Variants in POGZ observed in about 807,000 individuals in gnomAD.
POGZ encodes pogo transposable element derived with ZNF domain, also known as pogo transposable element with ZNF domain.
In POGZ, 17 loss-of-function variants were observed where a neutral mutation model predicts 134.6. That is an observed-to-expected ratio of 0.13 (90% CI 0.09 to 0.19). The LOEUF (loss-of-function observed/expected upper bound fraction) is 0.19, where lower values mean the gene tolerates loss of function less well. Among genes scored for constraint, POGZ ranks in the 10% least tolerant of loss-of-function variants. The pLI is 1.00. For missense variants in POGZ, 1,306 were observed against 1,769.7 expected, an observed-to-expected ratio of 0.74 and a Z score of 4.70; for synonymous variants, 693 against 657.1, an observed-to-expected ratio of 1.05 and a Z score of -0.84.
In POGZ at chr1:151,419,163, G is replaced by A. The variant is rs76033347; in HGVS notation, c.1678+4234C>T. On this transcript the variant is annotated intron_variant, in intron 10 of 18. Transcript: ENST00000271715. ...AAGGCCAGGAGTTTGAGACCAGCCT[G>A]AACGACACGGCGAAACCCCATCTCT... 9.8e-3 allele frequency among the ~76,000 whole-genome samples: 1,492 copies of A among 152,040 alleles called. 29 individuals are homozygous for A. Among genetic ancestry groups the A allele is most frequent in the African/African-American group, 0.035 (1,435 of 41,446 alleles).
intron 1 of POGZ, among the ~76,000 whole-genome samples, chr1:151,450,023 ATTTTTTTT>A (rs1171783071): frequency 2.4e-4 from 18 of 74,330 alleles, no homozygotes; most frequent in South Asian, 6.5e-4. Flanking sequence ...GTGAAACTTG[ATTTTTTTT>A]TTTTTTTTTT....
Position 151,408,246 on chromosome 1 carries a change from G to A in POGZ, c.2235-6C>T, listed in dbSNP as rs1449021446. The A allele has an allele frequency of 3.1e-6, 5 of 1,603,022 alleles. No individual in the cohort carries two copies. The highest frequency in any genetic ancestry group is 4.2e-6 in the Non-Finnish European group (5 of 1,176,914). On this transcript the variant is annotated splice_polypyrimidine_tract_variant and splice_region_variant and intron_variant, in intron 14 of 18. Transcript: ENST00000271715. ...TCTGCCGGCCCATGACACTCCTGTG[G>A]GGGAAAAAAAAAAAGAATTCTCATT...
intron 10 of POGZ, among the ~76,000 whole-genome samples, chr1:151,415,840 A>G (rs887958657): frequency 1.3e-5 from 2 of 152,112 alleles, no homozygotes; most frequent in African/African-American, 4.8e-5. Flanking sequence ...GGCAAAGTTT[A>G]TATGTAATTT....
chr1:151,405,905 G>A lies in POGZ; in HGVS notation c.3130C>T (p.Pro1044Ser). The A allele has an allele frequency of 6.2e-7, 1 of 1,614,178 alleles. No homozygotes were observed. ...WVLTQREQQL[P>S]VNEETLFQKA... Reference sequence around the variant, plus strand: ...TGGAACAAGGTCTCCTCATTTACAGGTAGCTGTTGTTCGCGCTGGGTTAGC... The same window carrying A: ...TGGAACAAGGTCTCCTCATTTACAGATAGCTGTTGTTCGCGCTGGGTTAGC... The change falls in exon 19 of 19, where the codon CCT becomes TCT. Residue 1044 changes from proline to serine, a missense_variant. Coordinates refer to ENST00000271715, the MANE Select transcript of POGZ (RefSeq NM_015100.4). This position sits in a 1 kb window ranked among gnomAD's most constrained non-coding sequence, Gnocchi z 4.9.
rs576129369 is a variant in POGZ, at chr1:151,403,880, G to GA, written c.*921dup. The GA allele has an allele frequency of 1.8e-4, 176 of 985,484 alleles. 1 individual carries two copies. In the South Asian group the frequency reaches 7.7e-3, roughly 43 times the overall value. The allele number at this position is 985,484 out of a possible 1,614,324, so 61.0% of individuals were successfully genotyped here. A position where few individuals can be genotyped will look rare whatever the true frequency, so the allele number is the denominator to read the frequency against. ...GACTGCCCCTGGGGGCTTACAGGAT[G>GA]AAGACTCAAACTGGGAATGGCTTCC... On this transcript the variant is annotated 3_prime_UTR_variant, in exon 19 of 19. Transcript: ENST00000271715.
chr1:151,406,668 T>A, intron 17 of POGZ, 37 bp from the exon 18 acceptor site: 1 of 1,583,618 alleles, frequency 6.3e-7, no homozygotes, highest in Non-Finnish European at 8.6e-7. Flanking sequence ...GTTAGCTCAG[T>A]GAAAAAATAA....
chr1:151,449,712 C>T lies in POGZ; in HGVS notation c.-1-7507G>A, dbSNP rs545040839. Among the ~76,000 whole-genome samples, 32 of 152,194 alleles carry T rather than the reference C, an allele frequency of 2.1e-4. No homozygotes were observed. In the East Asian group the frequency reaches 5.2e-3, roughly 25 times the overall value. On this transcript the variant is annotated intron_variant, in intron 1 of 18. Coordinates refer to ENST00000271715, the MANE Select transcript of POGZ (RefSeq NM_015100.4). Reference sequence around the variant, plus strand: ...GAGATCAAGACCATCCTGGCTAACACGGTGAAACCCCGTCTCTATTAAAAA... The same window carrying T: ...GAGATCAAGACCATCCTGGCTAACATGGTGAAACCCCGTCTCTATTAAAAA...
chr1:151,433,733 G>C (rs1190466694), intron 3 of POGZ, among the ~76,000 whole-genome samples: 4 of 151,842 alleles, frequency 2.6e-5, no homozygotes, highest in African/African-American at 9.7e-5. Context: ...AGTCATACTA[G>C]GTAAATTATA....
intron 10 of POGZ, among the ~76,000 whole-genome samples, chr1:151,413,659 T>A (rs960614321): frequency 6.6e-6 from 1 of 151,968 alleles, no homozygotes; most frequent in Admixed American, 6.6e-5. Context: ...TAATTCTTTT[T>A]TCTTTTTTTA....
At chr1:151,446,218 AT>A (rs1438668441) in intron 1 of POGZ, among the ~76,000 whole-genome samples, 5 of 140,002 alleles carry the variant, frequency 3.6e-5, no homozygotes, top group Non-Finnish European at 7.6e-5. Flanking sequence ...CATTCCACAC[AT>A]TTAACCTCCT....
intron 10 of POGZ, among the ~76,000 whole-genome samples, chr1:151,418,997 C>CATG (rs1656308845): frequency 9.0e-6 from 1 of 110,770 alleles, no homozygotes; most frequent in Non-Finnish European, 1.7e-5. Flanking sequence ...CGTACTCCAG[C>CATG]ATGGGTGAAA....
In POGZ at chr1:151,411,763, T is replaced by G; in HGVS notation, c.1788A>C (p.Gln596His). 6.2e-7 allele frequency: 1 copy of G among 1,612,522 alleles called. No homozygotes were observed. Among genetic ancestry groups the G allele is most frequent in the Non-Finnish European group, 8.5e-7 (1 of 1,179,356 alleles). Residue 596 changes from glutamine (Q) to histidine (H), a missense_variant, in exon 12 of 19, where the codon CAA (glutamine) becomes CAC (histidine). Physicochemically the swap from Gln to His is conservative, Grantham distance 24. This residue lies in a region of POGZ where 149 missense variants were observed against 237.5 expected (regional missense o/e 0.63). Coordinates refer to ENST00000271715, the MANE Select transcript of POGZ (RefSeq NM_015100.4). ...CCTCAGAGTAGAGTGAGGAGCGATA[T>G]TGACACACCTGAGTCACATAGGAGG... The part of the protein sequence containing the change: ...GEMPYVCQVC[Q>H]YRSSLYSEVD...
intron 1 of POGZ, among the ~76,000 whole-genome samples, chr1:151,454,450 T>C (rs189128870): frequency 5.3e-5 from 8 of 152,358 alleles, no homozygotes; most frequent in Admixed American, 3.9e-4. Context: ...TCACAACATC[T>C]GTTATAGTAC....
At chr1:151,458,415 T>C (rs1442281899) in intron 1 of POGZ, among the ~76,000 whole-genome samples, 1 of 151,994 alleles carries the variant, frequency 6.6e-6, no homozygotes, top group Admixed American at 6.6e-5. Flanking sequence ...GGGAGGAGAC[T>C]TCGTAAACTA....
intron 7 of POGZ, 142 bp from the exon 8 acceptor site, chr1:151,425,203 GTT>G: frequency 3.6e-6 from 2 of 553,812 alleles, no homozygotes; most frequent in Non-Finnish European, 3.4e-6. Context: ...GTTTTTGTTT[GTT>G]TTTGTTTTTT....
intron 10 of POGZ, among the ~76,000 whole-genome samples, chr1:151,415,203 T>C (rs1655412016): frequency 6.6e-6 from 1 of 152,200 alleles, no homozygotes; most frequent in East Asian, 1.9e-4. Flanking sequence ...CTCCTAAACA[T>C]GGTTAAGCTC....
rs777459840 is a variant in POGZ, at chr1:151,408,186, G to A, written c.2289C>T (p.Phe763=). 1 of 1,613,512 alleles carries A rather than the reference G, an allele frequency of 6.2e-7. No individual in the cohort carries two copies. The highest frequency in any genetic ancestry group is 8.5e-7 in the Non-Finnish European group (1 of 1,179,666). Residue 763 remains phenylalanine, a synonymous_variant, in exon 15 of 19, where the codon TTC becomes TTT. Transcript: ENST00000271715. ...CLECSFEIPD[F]PNHFPTYVHC... ...GTACGTAAGTAGGGAAATGATTAGG[G>A]AAGTCTGGGATCTCGAAGCTGCACT... is the stretch of plus-strand genomic sequence containing the variant.
intron 3 of POGZ, among the ~76,000 whole-genome samples, chr1:151,432,904 T>C (rs1465608630): frequency 3.3e-5 from 5 of 152,212 alleles, no homozygotes; most frequent in Admixed American, 3.3e-4. Context: ...AGTTACAAAA[T>C]GTTTGCAAAG....
chr1:151,417,687 G>GCC (rs1243959202), intron 10 of POGZ, among the ~76,000 whole-genome samples: 21 of 85,604 alleles, frequency 2.5e-4, no homozygotes, highest in African/African-American at 5.8e-4. Context: ...AGGTACTGTG[G>GCC]CCACACACAC....
Sources: allele counts gnomAD v4.1 joint callset (sites outside exome capture counted in the v4.1 genomes callset), GRCh38; gene constraint gnomAD v4.1.1; regional missense constraint gnomAD v4.1.1; non-coding constraint Gnocchi (gnomAD v3.1); transcripts MANE v1.5; gene names NCBI Gene and HGNC (gene_info 2026-07-23, HGNC 2026-07-21).